INTS9: variants seen among roughly 807,000 people sequenced by gnomAD.
INTS9 encodes integrator complex subunit 9.
Under a neutral mutation model 79.7 loss-of-function variants are expected in INTS9, and 55 were observed. The ratio of observed to expected loss-of-function variants is 0.69; its 90% CI spans 0.56 to 0.86. The LOEUF (loss-of-function observed/expected upper bound fraction) is 0.86, where lower values mean the gene tolerates loss of function less well. Among genes scored for constraint, INTS9 ranks in the 40% least tolerant of loss-of-function variants. The probability of loss-of-function intolerance (pLI) is 0.00; values close to 1 mark genes in which losing one functional copy is unlikely to be tolerated. For missense variants in INTS9, 721 were observed against 831.5 expected (o/e 0.87, Z 1.64); for synonymous variants, 319 against 325.2 (o/e 0.98, Z 0.20).
intron 6 of INTS9, among the ~76,000 whole-genome samples, chr8:28,820,087 G>A (rs1385054225): frequency 6.6e-6 from 1 of 152,156 alleles, no homozygotes; most frequent in South Asian, 2.1e-4. Flanking sequence ...GCACACTGAT[G>A]GGTCTTGACT....
At position 28,780,781 on chromosome 8, in the gene INTS9, C is replaced by T. The variant is rs376962724; in HGVS notation, c.1270+42G>A. On this transcript the variant is annotated intron_variant, in intron 12 of 16. Coordinates refer to ENST00000521022, the MANE Select transcript of INTS9 (RefSeq NM_018250.4). ...TTGTAGGTGCATTCACTCATGGCCT[C>T]AGTGGAGAGAACCAATTTGTTTCTT... 5 of 1,605,180 alleles carry T rather than the reference C, an allele frequency of 3.1e-6. No homozygotes were observed. In the African/African-American group the frequency reaches 5.3e-5, roughly 17 times the overall value.
At chr8:28,874,312 C>G (rs1001858507) in intron 1 of INTS9, among the ~76,000 whole-genome samples, 1 of 148,982 alleles carries the variant, frequency 6.7e-6, no homozygotes, top group Non-Finnish European at 1.5e-5. Context: ...TGTTTTGAGA[C>G]AGAGTCTCGC....
intron 1 of INTS9, 127 bp from the exon 2 acceptor site, chr8:28,859,690 T>C (rs1281496400): frequency 9.4e-7 from 1 of 1,065,558 alleles, no homozygotes; most frequent in Non-Finnish European, 1.4e-6. Context: ...TAACTTTCTA[T>C]GTGGTTTCCG....
At position 28,877,742 on chromosome 8, in the gene INTS9, G is replaced by C. The variant is rs576363043; in HGVS notation, c.9+12132C>G. Among the ~76,000 whole-genome samples, 26 of 152,202 alleles carry C rather than the reference G, an allele frequency of 1.7e-4. No individual in the cohort carries two copies. The South Asian group carries it at 5.4e-3, about 32-fold the overall frequency. ...TTAGCAACAGTATGAATGTATTTTT[G>C]AGATATATTGACACTAGTTTCATAA... On this transcript the variant is annotated intron_variant, in intron 1 of 16. Coordinates refer to ENST00000521022, the MANE Select transcript of INTS9 (RefSeq NM_018250.4).
intron 6 of INTS9, among the ~76,000 whole-genome samples, chr8:28,832,834 C>T (rs1806575121): frequency 6.6e-6 from 1 of 152,004 alleles, no homozygotes; most frequent in Non-Finnish European, 1.5e-5. Context: ...TGGTGGCGCT[C>T]ACCTGTGGTC....
chr8:28,803,239 GTA>G (rs1804622930), intron 8 of INTS9, among the ~76,000 whole-genome samples: 2 of 152,218 alleles, frequency 1.3e-5, no homozygotes, highest in African/African-American at 4.8e-5. Context: ...GTCAGACAGA[GTA>G]GCCAAGAAGC....
Position 28,813,583 on chromosome 8 carries a change from A to G in INTS9, c.518T>C (p.Val173Ala). The change falls in exon 7 of 17, where the codon GTG becomes GCG. Residue 173 changes from valine to alanine, a missense_variant. Val to Ala is a moderately conservative substitution (Grantham distance 64). Transcript: ENST00000521022. Reference protein sequence around the residue: ...RLLPSPLKDAVEVSTWRRCYT... With the variant: ...RLLPSPLKDAAEVSTWRRCYT... The stretch of plus-strand genomic sequence containing the variant: ...GCATCTTCTCCAGGTTGAGACTTCC[A>G]CTGCATCCTTGAGAGGAGAAGGTAA... The G allele has an allele frequency of 6.2e-7, 1 of 1,613,806 alleles. No homozygotes were observed. The highest frequency in any genetic ancestry group is 8.5e-7 in the Non-Finnish European group (1 of 1,179,746).
chr8:28,821,337 G>T (rs1438200250), intron 6 of INTS9, among the ~76,000 whole-genome samples: 3 of 152,198 alleles, frequency 2.0e-5, no homozygotes, highest in Non-Finnish European at 4.4e-5. Context: ...AAATGAGGAA[G>T]AAGCAAAAGC....
intron 1 of INTS9, among the ~76,000 whole-genome samples, chr8:28,867,731 T>C (rs1808840306): frequency 6.6e-6 from 1 of 152,042 alleles, no homozygotes; most frequent in East Asian, 1.9e-4. Flanking sequence ...TTTTTTTTTT[T>C]TGCAAAAAGA....
At chr8:28,873,173 T>C (rs1257037228) in intron 1 of INTS9, among the ~76,000 whole-genome samples, 2 of 152,242 alleles carry the variant, frequency 1.3e-5, no homozygotes, top group East Asian at 3.8e-4. Flanking sequence ...TTGATTTCTT[T>C]TGAAAAACAA....
At chr8:28,886,405 G>A (rs78291836) in intron 1 of INTS9, among the ~76,000 whole-genome samples, 8,114 of 152,002 alleles carry the variant, frequency 0.053, 269 homozygotes, top group South Asian at 0.1. Flanking sequence ...ATGCCACGAC[G>A]CTCAGCTAGT....
chr8:28,777,743 A>C, intron 13 of INTS9, 86 bp downstream of exon 13: 1 of 1,413,278 alleles, frequency 7.1e-7, no homozygotes, highest in Non-Finnish European at 9.5e-7. Flanking sequence ...AAACACAGCT[A>C]GATCTCTCTC....
chr8:28,884,168 C>CTT lies in INTS9; in HGVS notation c.9+5704_9+5705dup, dbSNP rs35799882. On this transcript the variant is annotated intron_variant, in intron 1 of 16. Transcript: ENST00000521022. ...TACCAAAAGTCTGTCATCAGTGTAT[C>CTT]TTTTTTTTTTTTTTTTTTTTTTTTT... 5.4e-3 allele frequency among the ~76,000 whole-genome samples: 253 copies of CTT among 46,976 alleles called. 45 individuals carry two copies. Among genetic ancestry groups the CTT allele is most frequent in the Middle Eastern group, 0.059 (2 of 34 alleles). 30.8% of individuals were successfully genotyped at this position (46,976 alleles called of 152,430 possible).
At chr8:28,879,938 C>A (rs1044856623) in intron 1 of INTS9, among the ~76,000 whole-genome samples, 6 of 151,866 alleles carry the variant, frequency 4.0e-5, no homozygotes, top group African/African-American at 1.5e-4. Flanking sequence ...AATGGAAATG[C>A]GCTAAATCTG....
intron 1 of INTS9, among the ~76,000 whole-genome samples, chr8:28,875,991 T>C (rs549988658): frequency 2.6e-5 from 4 of 152,334 alleles, no homozygotes; most frequent in East Asian, 1.9e-4. Flanking sequence ...ACTGGATACA[T>C]AGCTTCAATC....
intron 4 of INTS9, among the ~76,000 whole-genome samples, chr8:28,841,087 G>A (rs1807156752): frequency 6.6e-6 from 1 of 152,142 alleles, no homozygotes; most frequent in Admixed American, 6.5e-5. Context: ...AAAGCTGCCA[G>A]GCAGCATCGG....
At chr8:28,778,199 G>A (rs1340552402) in intron 12 of INTS9, among the ~76,000 whole-genome samples, 1 of 152,238 alleles carries the variant, frequency 6.6e-6, no homozygotes, top group South Asian at 2.1e-4. Context: ...TACATATGTG[G>A]GGGAGAAAAG....
intron 6 of INTS9, among the ~76,000 whole-genome samples, chr8:28,833,895 C>T (rs1019300690): frequency 2.0e-5 from 3 of 152,086 alleles, no homozygotes; most frequent in African/African-American, 7.2e-5. Context: ...CTCCTTACTT[C>T]ATCTCTTTCA....
intron 10 of INTS9, among the ~76,000 whole-genome samples, chr8:28,793,406 A>C (rs917452069): frequency 1.3e-5 from 2 of 152,212 alleles, no homozygotes; most frequent in African/African-American, 4.8e-5. Flanking sequence ...TACTATTGCA[A>C]TTTTTAAAAA....
Sources: allele counts gnomAD v4.1 joint callset (sites outside exome capture counted in the v4.1 genomes callset), GRCh38; gene constraint gnomAD v4.1.1; transcripts MANE v1.5; gene names NCBI Gene and HGNC (gene_info 2026-07-23, HGNC 2026-07-21).